GGT1: variants seen among roughly 807,000 people sequenced by gnomAD.
The protein encoded by GGT1 is glutathione hydrolase 1 proenzyme.
A neutral mutation model predicts 56.0 loss-of-function variants in GGT1; 21 were observed. The observed-to-expected ratio is 0.38, with a 90% CI of 0.27 to 0.54. GGT1 has a LOEUF of 0.54. Ranked by LOEUF, GGT1 falls within the 20% of genes least tolerant of loss-of-function variation. The pLI, the probability that GGT1 is intolerant of heterozygous loss-of-function variation, is 0.82. For synonymous variants in GGT1, 238 were observed against 342.6 expected (o/e 0.69, Z 3.37); for missense variants, 466 against 787.0 (o/e 0.59, Z 4.88).
At chr22:24,621,160 C>T in intron 9 of GGT1, 90 bp downstream of exon 9, 1 of 1,490,992 alleles carries the variant, frequency 6.7e-7, no homozygotes, top group Non-Finnish European at 9.0e-7. Flanking sequence ...TCCTGTCTTG[C>T]CTGAGCCTGC....
chr22:24,592,760 G>A, upstream of GGT1: 1 of 1,280,202 alleles, frequency 7.8e-7, no homozygotes, highest in Non-Finnish European at 9.9e-7. Flanking sequence ...CTCGCCTCCC[G>A]GCGGATACAG....
upstream of GGT1, chr22:24,599,336 G>C (rs1223473261): frequency 1.3e-5 from 2 of 150,980 alleles, no homozygotes; most frequent in African/African-American, 4.9e-5. Context: ...CAAGAGGAAA[G>C]GATAGCTCAT....
At chr22:24,595,327 G>A (rs1182981472) in intron 1 of GGT1, among the ~76,000 whole-genome samples, 1 of 152,164 alleles carries the variant, frequency 6.6e-6, no homozygotes, top group Non-Finnish European at 1.5e-5. Context: ...AACCTGACTT[G>A]GACAGCAGCC....
intron 12 of GGT1, 32 bp from the exon 13 acceptor site, chr22:24,627,820 G>T (rs773943432): frequency 4.4e-6 from 7 of 1,601,204 alleles, no homozygotes; most frequent in Non-Finnish European, 6.0e-6. Flanking sequence ...GCCAGGCAAG[G>T]TCGGGCACTG....
intron 1 of GGT1, chr22:24,597,918 A>C (rs2045721722): frequency 6.6e-6 from 1 of 152,202 alleles, no homozygotes; most frequent in Non-Finnish European, 1.5e-5. Context: ...CCACAAGACC[A>C]ACCCCCATCC....
At chr22:24,583,971 C>G in the GGT1 span, among the ~76,000 whole-genome samples, 1 of 152,206 alleles carries the variant, frequency 6.6e-6, no homozygotes, top group African/African-American at 2.4e-5. Flanking sequence ...TATCAGCTTG[C>G]CTGGCCCAGG....
intron 11 of GGT1, among the ~76,000 whole-genome samples, chr22:24,626,206 A>G (rs999082462): frequency 1.1e-4 from 16 of 148,806 alleles, no homozygotes; most frequent in African/African-American, 4.1e-4. Context: ...GTTAGCCAGG[A>G]TGGTCTCGAT....
chr22:24,620,846 G>A lies in GGT1; in HGVS notation c.576-67G>A, dbSNP rs4049847. The A allele has an allele frequency of 1.1e-4, 171 of 1,589,002 alleles. No individual in the cohort carries two copies. The African/African-American group carries it at 2.0e-3, about 19-fold the overall frequency. ...TTCTGCTCCGTTCTCCTGTGTGGAC[G>A]GGTGTGAGGGGTGGTCTAGCTGAGT... On this transcript the variant is annotated intron_variant, in intron 8 of 15. Transcript: ENST00000400382. This position sits in a 1 kb window ranked among gnomAD's most constrained non-coding sequence, Gnocchi z 5.6.
upstream of GGT1, chr22:24,593,050 CGAT>C: frequency 9.6e-7 from 1 of 1,041,066 alleles, no homozygotes; most frequent in African/African-American, 1.7e-5. Flanking sequence ...GGCCGCCGCG[CGAT>C]GGTCGCCGAA....
chr22:24,589,382 C>T, the GGT1 span: 25 of 1,114,404 alleles, frequency 2.2e-5, no homozygotes, highest in Admixed American at 5.1e-5. Flanking sequence ...GGTGTCTGTA[C>T]AGGATGGAGA....
rs778938833 is a variant in GGT1, at chr22:24,620,394, G to A, written c.449G>A (p.Arg150Gln). Residue 150 changes from arginine (R) to glutamine (Q), a missense_variant, in exon 8 of 16, where the codon CGG becomes CAG. Arg to Gln is a conservative substitution (Grantham distance 43). Transcript: ENST00000400382. This position sits in a 1 kb window ranked among gnomAD's most constrained non-coding sequence, Gnocchi z 5.6. ...GYELAHQRHGRLPWARLFQPS... is the reference protein window; with the variant it reads ...GYELAHQRHGQLPWARLFQPS... ...GAGCTGGCACACCAGCGGCATGGGCGGCTGCCCTGGGCTCGCCTCTTCCAG... is the reference window on the plus strand; with the variant it reads ...GAGCTGGCACACCAGCGGCATGGGCAGCTGCCCTGGGCTCGCCTCTTCCAG... 1.4e-5 allele frequency: 23 copies of A among 1,611,028 alleles called. No individual in the cohort carries two copies. The highest frequency in any genetic ancestry group is 8.9e-5 in the East Asian group (4 of 44,856).
At chr22:24,584,962 G>T in the GGT1 span, among the ~76,000 whole-genome samples, 1 of 152,094 alleles carries the variant, frequency 6.6e-6, no homozygotes, top group South Asian at 2.1e-4. Flanking sequence ...GGCAGCCCTA[G>T]GACTACTCTG....
intron 9 of GGT1, among the ~76,000 whole-genome samples, chr22:24,622,570 C>CA (rs765739641): frequency 6.0e-5 from 9 of 149,612 alleles, no homozygotes; most frequent in African/African-American, 7.4e-5. Context: ...TCTCAAAAAA[C>CA]AAAAAAAAAG....
In GGT1 at chr22:24,608,330, C is replaced by T. The variant is rs2046448978; in HGVS notation, c.-359+307C>T. Among the ~76,000 whole-genome samples, 6 of 152,218 alleles carry T rather than the reference C, an allele frequency of 3.9e-5. No homozygotes were observed. The South Asian group carries it at 1.2e-3, about 32-fold the overall frequency. On this transcript the variant is annotated intron_variant, in intron 2 of 15. Transcript: ENST00000400382. ...GACAGGGCCCAGCACTGCCTACTCC[C>T]CTCCCTGTTCTTCCCAGCAGTCTGA...
rs2045825496 is a variant in GGT1 at position 24,603,426 on chromosome 22, C to T, written c.-530C>T. On this transcript the variant is annotated 5_prime_UTR_variant, in exon 1 of 16. Transcript: ENST00000400382. ...GCGCTCTAGAGGAGTTCCTCTTCCTCTCCAAGCCTCGGTTTATGTACCCGT... is the reference window on the plus strand; with the variant it reads ...GCGCTCTAGAGGAGTTCCTCTTCCTTTCCAAGCCTCGGTTTATGTACCCGT... 1 of 152,314 alleles carries T rather than the reference C, an allele frequency of 6.6e-6. No individual in the cohort carries two copies. Among genetic ancestry groups the T allele is most frequent in the African/African-American group, 2.4e-5 (1 of 41,456 alleles). The allele number at this position is 152,314 out of a possible 1,614,324, so 9.4% of individuals were successfully genotyped here.
chr22:24,620,825 G>T lies in GGT1; in HGVS notation c.576-88G>T, dbSNP rs2047372486. ...CTGTGACAGGCGCTGCCCCTGTTCT[G>T]CTCCGTTCTCCTGTGTGGACGGGTG... On this transcript the variant is annotated intron_variant, in intron 8 of 15. Coordinates refer to ENST00000400382, the MANE Select transcript of GGT1 (RefSeq NM_001288833.2). The surrounding 1 kb of genome is among the most constrained non-coding windows in gnomAD (Gnocchi z 5.6). 1.3e-6 allele frequency: 2 copies of T among 1,550,798 alleles called. No individual in the cohort carries two copies. Among genetic ancestry groups the T allele is most frequent in the Non-Finnish European group, 8.7e-7 (1 of 1,146,658 alleles).
At chr22:24,586,189 G>A in the GGT1 span, 1 of 1,613,788 alleles carries the variant, frequency 6.2e-7, no homozygotes, top group East Asian at 2.2e-5. Flanking sequence ...GGTTGCCGTT[G>A]AGCAGGAGCT....
At chr22:24,611,531 CTATCTATCTATCATCTATCTATCT>C (rs1214612014) in intron 5 of GGT1, among the ~76,000 whole-genome samples, 20 of 129,336 alleles carry the variant, frequency 1.5e-4, no homozygotes, top group African/African-American at 7.2e-4. Context: ...ATCTATCTAT[CTATCTATCTATCATCTATCTATCT>C]ATCTATCTAT....
At chr22:24,589,381 A>G in the GGT1 span, 1 of 1,115,858 alleles carries the variant, frequency 9.0e-7, no homozygotes, top group East Asian at 9.3e-5. Context: ...GGGTGTCTGT[A>G]CAGGATGGAG....
Sources: allele counts gnomAD v4.1 joint callset (sites outside exome capture counted in the v4.1 genomes callset), GRCh38; gene constraint gnomAD v4.1.1; non-coding constraint Gnocchi (gnomAD v3.1); transcripts MANE v1.5; gene names NCBI Gene and HGNC (gene_info 2026-07-23, HGNC 2026-07-21).